The following ST6GALNAC3 variants were observed in gnomAD, a reference collection of about 807,000 sequenced individuals.
The protein encoded by ST6GALNAC3 is alpha-N-acetylgalactosaminide alpha-2,6-sialyltransferase 3.
In ST6GALNAC3, 25 loss-of-function variants were observed where a neutral mutation model predicts 32.7. The observed-to-expected ratio is 0.76, with a 90% CI of 0.56 to 1.07. The LOEUF (loss-of-function observed/expected upper bound fraction) is 1.07, where lower values mean the gene tolerates loss of function less well. ST6GALNAC3 is among the 50% of genes least tolerant of loss of function. ST6GALNAC3 has a pLI of 0.00. For missense variants in ST6GALNAC3, 355 were observed against 382.4 expected, an observed-to-expected ratio of 0.93 and a Z score of 0.60; for synonymous variants, 129 against 133.1, an observed-to-expected ratio of 0.97 and a Z score of 0.21.
chr1:76,376,102 C>T (rs771157503), intron 2 of ST6GALNAC3, among the ~76,000 whole-genome samples: 51 of 98,788 alleles, frequency 5.2e-4, no homozygotes, highest in South Asian at 1.1e-3. Context: ...CTCCCCTAAA[C>T]CTTTTTTTTT....
intron 1 of ST6GALNAC3, among the ~76,000 whole-genome samples, chr1:76,197,256 A>G (rs535750628): frequency 3.3e-5 from 5 of 152,286 alleles, no homozygotes; most frequent in Admixed American, 3.3e-4. Flanking sequence ...ATGATTACCA[A>G]TGATGTTGAT....
At position 76,634,222 on chromosome 1, in the gene ST6GALNAC3, C is replaced by G; in HGVS notation, c.*5416C>G. The stretch of plus-strand genomic sequence containing the variant: ...AAGAACATCTTGATGAATAAACAGT[C>G]AACTACCAAGTTCACATATTTGCCT... On this transcript the variant is annotated 3_prime_UTR_variant, in exon 5 of 5. Transcript: ENST00000328299. 1 of 934,692 alleles carries G rather than the reference C, an allele frequency of 1.1e-6. No individual in the cohort carries two copies. The highest frequency in any genetic ancestry group is 1.3e-6 in the Non-Finnish European group (1 of 783,906). The allele number at this position is 934,692 out of a possible 1,614,324, so 57.9% of individuals were successfully genotyped here.
chr1:76,498,639 C>T (rs779248834), intron 3 of ST6GALNAC3, among the ~76,000 whole-genome samples: 33 of 151,706 alleles, frequency 2.2e-4, no homozygotes, highest in African/African-American at 4.1e-4. Flanking sequence ...CCACCATTTT[C>T]GGACATAAAC....
intron 1 of ST6GALNAC3, among the ~76,000 whole-genome samples, chr1:76,146,578 C>A (rs1007123096): frequency 2.0e-5 from 3 of 152,132 alleles, no homozygotes; most frequent in Non-Finnish European, 4.4e-5. Flanking sequence ...CATTCAGTTT[C>A]TTTTCTCTCT....
At chr1:76,176,766 A>C (rs1652883727) in intron 1 of ST6GALNAC3, among the ~76,000 whole-genome samples, 1 of 152,312 alleles carries the variant, frequency 6.6e-6, no homozygotes, top group African/African-American at 2.4e-5. Flanking sequence ...GTTTGGTGCA[A>C]TTTTCTGGTT....
At chr1:76,636,425 T>A (rs1649506527), downstream of ST6GALNAC3, among the ~76,000 whole-genome samples, 1 of 152,216 alleles carries the variant, frequency 6.6e-6, no homozygotes, top group Non-Finnish European at 1.5e-5. Flanking sequence ...TATGCAGTAC[T>A]GTGATATTTT....
At chr1:76,328,810 T>G (rs1227391786) in intron 2 of ST6GALNAC3, among the ~76,000 whole-genome samples, 1 of 152,258 alleles carries the variant, frequency 6.6e-6, no homozygotes. Context: ...TGCTGAGCTG[T>G]GTGCCAAATA....
At chr1:76,133,607 T>C (rs1267496035) in intron 1 of ST6GALNAC3, among the ~76,000 whole-genome samples, 2 of 152,338 alleles carry the variant, frequency 1.3e-5, no homozygotes, top group South Asian at 4.1e-4. Flanking sequence ...GCTGGAGAGC[T>C]GGGGACAGAA....
At chr1:76,282,303 G>A (rs932446217) in intron 1 of ST6GALNAC3, among the ~76,000 whole-genome samples, 4 of 151,918 alleles carry the variant, frequency 2.6e-5, no homozygotes, top group African/African-American at 9.7e-5. Context: ...GTGTGTATGT[G>A]TATTTATGTG....
At chr1:76,388,857 A>G (rs948391859) in intron 2 of ST6GALNAC3, among the ~76,000 whole-genome samples, 3 of 152,182 alleles carry the variant, frequency 2.0e-5, no homozygotes, top group African/African-American at 4.8e-5. Flanking sequence ...TCTGTAGTCA[A>G]CTAGTCATGG....
chr1:76,462,526 A>AT (rs55967462), intron 3 of ST6GALNAC3, among the ~76,000 whole-genome samples: 59,035 of 149,834 alleles, frequency 0.39, 12,194 homozygotes, highest in African/African-American at 0.53. Context: ...GGCAGCCAGC[A>AT]TTTTTTTTTT....
chr1:76,224,710 G>A (rs979805406), intron 1 of ST6GALNAC3, among the ~76,000 whole-genome samples: 1 of 152,140 alleles, frequency 6.6e-6, no homozygotes, highest in African/African-American at 2.4e-5. Flanking sequence ...GAGACAAGGG[G>A]CCTAGGTGGA....
chr1:76,218,188 G>T (rs1233581876), intron 1 of ST6GALNAC3, among the ~76,000 whole-genome samples: 1 of 151,828 alleles, frequency 6.6e-6, no homozygotes, highest in Non-Finnish European at 1.5e-5. Flanking sequence ...ATTATTTTTT[G>T]ATTTTTTTGA....
intron 1 of ST6GALNAC3, among the ~76,000 whole-genome samples, chr1:76,210,954 C>T (rs746937670): frequency 3.9e-5 from 6 of 152,126 alleles, no homozygotes; most frequent in Non-Finnish European, 5.9e-5. Flanking sequence ...CAACTCCTGA[C>T]CTCAAGTGAT....
chr1:76,597,434 C>A (rs748331058), intron 3 of ST6GALNAC3, among the ~76,000 whole-genome samples: 23 of 152,134 alleles, frequency 1.5e-4, no homozygotes, highest in Non-Finnish European at 3.2e-4. Flanking sequence ...GATCTGAATG[C>A]CTGTGCCCCC....
intron 1 of ST6GALNAC3, among the ~76,000 whole-genome samples, chr1:76,283,361 G>A (rs142408702): frequency 0.012 from 1,814 of 151,922 alleles, 49 homozygotes; most frequent in African/African-American, 0.042. Flanking sequence ...TTTTTTCTAT[G>A]TTATAATAGA....
intron 1 of ST6GALNAC3, among the ~76,000 whole-genome samples, chr1:76,113,085 C>T (rs577689055): frequency 7.0e-4 from 106 of 152,294 alleles, no homozygotes; most frequent in Non-Finnish European, 1.3e-3. Flanking sequence ...TCTGCCATCC[C>T]GGCACCTCGG....
intron 2 of ST6GALNAC3, among the ~76,000 whole-genome samples, chr1:76,372,547 C>A (rs1034415992): frequency 2.6e-5 from 4 of 152,086 alleles, no homozygotes; most frequent in African/African-American, 7.2e-5. Flanking sequence ...ACTGTCCTAT[C>A]TTTCCATATA....
intron 1 of ST6GALNAC3, among the ~76,000 whole-genome samples, chr1:76,311,392 C>A (rs1408645002): frequency 6.6e-6 from 1 of 152,040 alleles, no homozygotes; most frequent in Non-Finnish European, 1.5e-5. Flanking sequence ...CAACTAGTCA[C>A]CTACATAAGG....
Sources: gnomAD v4.1 joint callset for allele counts (sites outside exome capture counted in the v4.1 genomes callset) on GRCh38, gnomAD v4.1.1 for gene constraint, MANE v1.5 for transcripts, NCBI Gene and HGNC (gene_info 2026-07-23, HGNC 2026-07-21) for gene names.